ZBTB46: variants seen among roughly 807,000 people sequenced by gnomAD.
ZBTB46 encodes zinc finger and BTB domain containing 46.
ZBTB46 carries 8 observed loss-of-function variants against 44.1 expected under a neutral mutation model. The observed-to-expected ratio is 0.18, with a 90% CI of 0.11 to 0.33. The LOEUF (loss-of-function observed/expected upper bound fraction) is 0.33. Among genes scored for constraint, ZBTB46 ranks in the 10% least tolerant of loss-of-function variants. The pLI, the probability that ZBTB46 is intolerant of heterozygous loss-of-function variation, is 1.00. For synonymous variants in ZBTB46, 409 were observed against 382.3 expected (o/e 1.07, Z -0.81); for missense variants, 651 against 847.7 (o/e 0.77, Z 2.88).
intron 3 of ZBTB46, among the ~76,000 whole-genome samples, chr20:63,770,584 T>C (rs1230992834): frequency 1.3e-5 from 2 of 152,198 alleles, no homozygotes; most frequent in African/African-American, 4.8e-5. Context: ...CCAAAGGCCC[T>C]CTGAGTGTCG....
At chr20:63,766,994 C>G (rs2092325738) in intron 3 of ZBTB46, among the ~76,000 whole-genome samples, 3 of 152,162 alleles carry the variant, frequency 2.0e-5, no homozygotes, top group African/African-American at 7.2e-5. Context: ...TGCTCTGGGT[C>G]CCTGGAGCCC....
intron 1 of ZBTB46, among the ~76,000 whole-genome samples, chr20:63,809,466 C>G (rs1404013075): frequency 6.6e-6 from 1 of 152,242 alleles, no homozygotes; most frequent in African/African-American, 2.4e-5. Context: ...GCAGCGCCCT[C>G]ACGCGGTCCT....
intron 1 of ZBTB46, among the ~76,000 whole-genome samples, chr20:63,809,139 C>T (rs939453633): frequency 6.6e-6 from 1 of 152,182 alleles, no homozygotes; most frequent in Non-Finnish European, 1.5e-5. Context: ...TCGCAGGGAC[C>T]GCAGCGCCTG....
intron 4 of ZBTB46, among the ~76,000 whole-genome samples, chr20:63,748,891 G>A (rs545592689): frequency 4.6e-5 from 7 of 152,328 alleles, no homozygotes; most frequent in South Asian, 4.1e-4. Context: ...GGCGGAAGAC[G>A]GTCCTGCTAC....
chr20:63,763,631 G>A (rs2092295278), intron 3 of ZBTB46, among the ~76,000 whole-genome samples: 1 of 152,170 alleles, frequency 6.6e-6, no homozygotes, highest in Non-Finnish European at 1.5e-5. Context: ...TCCATGGAAG[G>A]TCCCACCAGG....
rs1016097355 is a variant in ZBTB46, at chr20:63,803,540, T to A, written c.-33-12750A>T. On this transcript the variant is annotated intron_variant, in intron 1 of 4. Transcript: ENST00000245663. This position sits in a 1 kb window ranked among gnomAD's most constrained non-coding sequence, Gnocchi z 4.0. The stretch of plus-strand genomic sequence containing the variant: ...GTGGCCATCTGAAGATGCAAAGCCA[T>A]GTCTGCCGGCCCCGGGCTGCCCAGG... 4 of 982,912 alleles carry A rather than the reference T, an allele frequency of 4.1e-6. No homozygotes were observed. In the East Asian group the frequency reaches 4.6e-4, roughly 112 times the overall value. 60.9% of individuals were successfully genotyped at this position (982,912 alleles called of 1,614,324 possible).
At chr20:63,793,568 G>A (rs142328149) in intron 1 of ZBTB46, among the ~76,000 whole-genome samples, 5 of 150,524 alleles carry the variant, frequency 3.3e-5, no homozygotes, top group Non-Finnish European at 5.9e-5. Flanking sequence ...AATTTCCTAC[G>A]TGAATAAAAC....
At chr20:63,812,398 C>G (rs2092722535) in intron 1 of ZBTB46, among the ~76,000 whole-genome samples, 1 of 152,054 alleles carries the variant, frequency 6.6e-6, no homozygotes, top group Non-Finnish European at 1.5e-5. Flanking sequence ...AATCCCAGCA[C>G]TTTGGGAGGC....
intron 3 of ZBTB46, chr20:63,769,526 G>A: frequency 1.2e-6 from 1 of 851,010 alleles, no homozygotes; most frequent in Non-Finnish European, 1.4e-6. Context: ...GGAGGCAGGT[G>A]TTTGAACGCT....
intron 1 of ZBTB46, among the ~76,000 whole-genome samples, chr20:63,799,867 C>A (rs919905765): frequency 6.6e-6 from 1 of 152,126 alleles, no homozygotes; most frequent in Admixed American, 6.5e-5. Context: ...CTGCTGAGGG[C>A]ACATGGAACG....
intron 3 of ZBTB46, among the ~76,000 whole-genome samples, chr20:63,764,435 C>CG (rs952032779): frequency 2.3e-4 from 32 of 139,888 alleles, no homozygotes; most frequent in African/African-American, 2.3e-4. Context: ...GGCCCTGTCT[C>CG]AAAAAAAAAA....
rs1262062277 is a variant in ZBTB46 at position 63,744,399 on chromosome 20, C to T, written c.*2531G>A. 2 of 152,106 alleles carry T rather than the reference C, an allele frequency of 1.3e-5. No homozygotes were observed. The highest frequency in any genetic ancestry group is 2.9e-5 in the Non-Finnish European group (2 of 68,034). The allele number at this position is 152,106 out of a possible 1,614,324, so 9.4% of individuals were successfully genotyped here. A position where few individuals can be genotyped will look rare whatever the true frequency, so the allele number is the denominator to read the frequency against. On this transcript the variant is annotated 3_prime_UTR_variant, in exon 5 of 5. Transcript: ENST00000245663. ...GACAGAAAAATCGTGGTGTCCCTGC[C>T]CCCTCCCCGCCCCCAAATAACACCA...
upstream of ZBTB46, among the ~76,000 whole-genome samples, chr20:63,832,472 C>T (rs963424036): frequency 1.1e-4 from 16 of 152,318 alleles, no homozygotes; most frequent in African/African-American, 3.8e-4. The surrounding 1 kb of genome is among the most constrained non-coding windows in gnomAD (Gnocchi z 5.0). Flanking sequence ...TGGGAGGCGG[C>T]GGCCCTATGG....
At chr20:63,766,702 C>T (rs2145824046) in intron 3 of ZBTB46, among the ~76,000 whole-genome samples, 1 of 152,340 alleles carries the variant, frequency 6.6e-6, no homozygotes, top group African/African-American at 2.4e-5. Context: ...ATGCCCCAAA[C>T]CTCACTAGAA....
Position 63,752,640 on chromosome 20 carries a change from C to G in ZBTB46, c.1398+46G>C, listed in dbSNP as rs1402169563. 2 of 1,461,358 alleles carry G rather than the reference C, an allele frequency of 1.4e-6. No individual in the cohort carries two copies. Among genetic ancestry groups the G allele is most frequent in the Non-Finnish European group, 1.8e-6 (2 of 1,104,758 alleles). 90.5% of individuals were successfully genotyped at this position (1,461,358 alleles called of 1,614,324 possible). A position where few individuals can be genotyped will look rare whatever the true frequency, so the allele number is the denominator to read the frequency against. ...CATCAGGACCCGCCTGCCCGGACAT[C>G]GTGGCCACGCGCAGCGCGCGGCACG... is the stretch of plus-strand genomic sequence containing the variant. On this transcript the variant is annotated intron_variant, in intron 4 of 4. Transcript: ENST00000245663. The surrounding 1 kb of genome is among the most constrained non-coding windows in gnomAD (Gnocchi z 5.6).
intron 4 of ZBTB46, among the ~76,000 whole-genome samples, chr20:63,750,547 G>A (rs2092150755): frequency 6.6e-6 from 1 of 151,966 alleles, no homozygotes; most frequent in African/African-American, 2.4e-5. Flanking sequence ...CTTTCCATAT[G>A]TTATAAGTAC....
At chr20:63,830,249 T>A (rs1281774320) in intron 1 of ZBTB46, among the ~76,000 whole-genome samples, 1 of 152,136 alleles carries the variant, frequency 6.6e-6, no homozygotes, top group Non-Finnish European at 1.5e-5. Context: ...GCAGGAGCCC[T>A]CCCTCTGGCG....
At chr20:63,775,464 C>A in intron 3 of ZBTB46, 1 of 537,592 alleles carries the variant, frequency 1.9e-6, no homozygotes, top group Non-Finnish European at 3.1e-6. Context: ...ACAACCGCGT[C>A]CATTCCCTCC....
chr20:63,772,757 A>C (rs1370083976), intron 3 of ZBTB46, among the ~76,000 whole-genome samples: 1 of 50,678 alleles, frequency 2.0e-5, no homozygotes, highest in Non-Finnish European at 3.6e-5. Flanking sequence ...ACACACACAC[A>C]CACACACACA....
Sources: allele counts gnomAD v4.1 joint callset (sites outside exome capture counted in the v4.1 genomes callset), GRCh38; gene constraint gnomAD v4.1.1; non-coding constraint Gnocchi (gnomAD v3.1); transcripts MANE v1.5; gene names NCBI Gene and HGNC (gene_info 2026-07-23, HGNC 2026-07-21).